The following XIRP2 variants were observed in gnomAD, a reference collection of about 807,000 sequenced individuals.
XIRP2 encodes the protein xin actin binding repeat containing 2.
In XIRP2, 236 loss-of-function variants were observed where a neutral mutation model predicts 277.0. The observed-to-expected ratio is 0.85, with a 90% CI of 0.77 to 0.95. XIRP2 has a LOEUF of 0.95. Among genes scored for constraint, XIRP2 ranks in the 40% least tolerant of loss-of-function variants. The probability of loss-of-function intolerance (pLI) is 0.00; values close to 1 mark genes in which losing one functional copy is unlikely to be tolerated. For missense variants in XIRP2, 4,640 were observed against 4,157.5 expected, an observed-to-expected ratio of 1.12 and a Z score of -3.19; for synonymous variants, 1,490 against 1,416.5, an observed-to-expected ratio of 1.05 and a Z score of -1.17.
chr2:166,910,763 T>A (rs1029584112), intron 2 of XIRP2, among the ~76,000 whole-genome samples: 18 of 152,210 alleles, frequency 1.2e-4, no homozygotes, highest in Non-Finnish European at 8.8e-5. Context: ...GCTGTAAATT[T>A]CCCTCTACAC....
At chr2:167,159,789 T>C (rs1692309800) in intron 3 of XIRP2, among the ~76,000 whole-genome samples, 2 of 152,206 alleles carry the variant, frequency 1.3e-5, no homozygotes, top group African/African-American at 4.8e-5. Context: ...GGTACATATA[T>C]GACACAATGC....
At chr2:167,082,368 C>T (rs1229235248) in intron 2 of XIRP2, among the ~76,000 whole-genome samples, 1 of 151,870 alleles carries the variant, frequency 6.6e-6, no homozygotes, top group Admixed American at 6.6e-5. Context: ...GGGTTGGTTC[C>T]AAGTCTTTGC....
intron 2 of XIRP2, among the ~76,000 whole-genome samples, chr2:167,057,077 G>A (rs767248711): frequency 2.7e-4 from 41 of 152,112 alleles, no homozygotes; most frequent in Admixed American, 5.2e-4. Flanking sequence ...TGGATAAAAA[G>A]TAAAGTGCAT....
At chr2:166,932,416 A>G (rs1475026001) in intron 2 of XIRP2, among the ~76,000 whole-genome samples, 6 of 151,938 alleles carry the variant, frequency 3.9e-5, no homozygotes, top group Admixed American at 6.6e-5. Context: ...GTCTTACTAT[A>G]TTGCCCAGGC....
intron 3 of XIRP2, among the ~76,000 whole-genome samples, chr2:167,163,109 A>G (rs115911668): frequency 0.099 from 15,029 of 152,212 alleles, 789 homozygotes; most frequent in South Asian, 0.15. Flanking sequence ...TTCTAGTTTC[A>G]GGCTATTAAG....
intron 2 of XIRP2, among the ~76,000 whole-genome samples, chr2:166,941,874 A>C (rs1685728852): frequency 6.6e-6 from 1 of 152,222 alleles, no homozygotes. Context: ...TTTTCATACA[A>C]ATCTTTAATA....
intron 2 of XIRP2, among the ~76,000 whole-genome samples, chr2:166,979,529 A>T (rs2105431423): frequency 6.6e-6 from 1 of 150,614 alleles, no homozygotes; most frequent in Non-Finnish European, 1.5e-5. Context: ...TTTTTTAGAG[A>T]TACTATTTAT....
At chr2:166,940,424 C>G (rs1685672284) in intron 2 of XIRP2, among the ~76,000 whole-genome samples, 1 of 152,170 alleles carries the variant, frequency 6.6e-6, no homozygotes, top group Admixed American at 6.5e-5. Flanking sequence ...GTTTGATCGT[C>G]TGAAGCCTTC....
chr2:167,110,005 A>G (rs930493526), intron 2 of XIRP2, among the ~76,000 whole-genome samples: 4 of 151,884 alleles, frequency 2.6e-5, no homozygotes, highest in Non-Finnish European at 4.4e-5. Flanking sequence ...TCCTTTGCCC[A>G]CTTCTTCAGG....
At chr2:167,172,259 TGTG>T (rs1432782287) in intron 3 of XIRP2, among the ~76,000 whole-genome samples, 1 of 152,108 alleles carries the variant, frequency 6.6e-6, no homozygotes, top group African/African-American at 2.4e-5. Context: ...ACAAATAGGG[TGTG>T]GGTCACAGAG....
intron 2 of XIRP2, among the ~76,000 whole-genome samples, chr2:167,002,716 T>C (rs1687404376): frequency 6.6e-6 from 1 of 151,990 alleles, no homozygotes; most frequent in African/African-American, 2.4e-5. Context: ...AAGTAATAAA[T>C]ATTTTTCAGA....
intron 3 of XIRP2, among the ~76,000 whole-genome samples, chr2:167,151,465 A>G (rs1453793764): frequency 6.6e-6 from 1 of 152,108 alleles, no homozygotes; most frequent in African/African-American, 2.4e-5. Context: ...CAAAAACACA[A>G]AAAATAAAGA....
rs770107505 is a variant in XIRP2 at position 167,247,093 on chromosome 2, T to C, written c.5701T>C (p.Cys1901Arg). ...IPGDIEKAIE[C>R]LEKATNTKTE... Reference sequence around the variant, plus strand: ...TGGTGATATTGAAAAAGCTATTGAATGCCTTGAAAAAGCTACAAATACAAA... The same window carrying C: ...TGGTGATATTGAAAAAGCTATTGAACGCCTTGAAAAAGCTACAAATACAAA... Residue 1901 changes from cysteine (C) to arginine (R), a missense_variant, in exon 9 of 11, where the codon TGC (cysteine) becomes CGC (arginine). Transcript: ENST00000409195. The C allele has an allele frequency of 1.2e-6, 2 of 1,612,642 alleles. No homozygotes were observed. The highest frequency in any genetic ancestry group is 4.5e-5 in the East Asian group (2 of 44,836).
intron 3 of XIRP2, among the ~76,000 whole-genome samples, chr2:167,197,659 G>A (rs765182398): frequency 6.6e-6 from 1 of 151,976 alleles, no homozygotes; most frequent in Non-Finnish European, 1.5e-5. Flanking sequence ...AGCCTGAAAC[G>A]AGCATTTCTG....
chr2:167,239,510 A>G (rs1483868633), intron 5 of XIRP2, among the ~76,000 whole-genome samples: 3 of 152,204 alleles, frequency 2.0e-5, no homozygotes, highest in Admixed American at 6.5e-5. Context: ...TCAGTCTGAT[A>G]GAGGCAAGGG....
intron 2 of XIRP2, among the ~76,000 whole-genome samples, chr2:167,113,248 G>A (rs918665806): frequency 1.3e-5 from 2 of 152,226 alleles, no homozygotes; most frequent in African/African-American, 4.8e-5. Context: ...TCAGTGGCGT[G>A]TTAAAGTCTC....
At chr2:167,025,838 G>A (rs1272297794) in intron 2 of XIRP2, among the ~76,000 whole-genome samples, 1 of 151,956 alleles carries the variant, frequency 6.6e-6, no homozygotes, top group African/African-American at 2.4e-5. Flanking sequence ...TATAATTTCT[G>A]TTCTTTTACA....
At chr2:167,123,275 T>C (rs1266464338) in intron 2 of XIRP2, among the ~76,000 whole-genome samples, 3 of 152,094 alleles carry the variant, frequency 2.0e-5, no homozygotes, top group African/African-American at 4.8e-5. Context: ...AATTCATCCA[T>C]TGGGGGTGGT....
intron 2 of XIRP2, among the ~76,000 whole-genome samples, chr2:166,905,841 A>G (rs1368293747): frequency 6.6e-6 from 1 of 152,020 alleles, no homozygotes; most frequent in Non-Finnish European, 1.5e-5. Context: ...TTGTTATATT[A>G]TTAGGCATGT....
Sources: allele counts gnomAD v4.1 joint callset (sites outside exome capture counted in the v4.1 genomes callset), GRCh38; gene constraint gnomAD v4.1.1; transcripts MANE v1.5; gene names NCBI Gene and HGNC (gene_info 2026-07-23, HGNC 2026-07-21).